GXYLT2: variants seen among roughly 807,000 people sequenced by gnomAD.
The protein encoded by GXYLT2 is glycosyltransferase 8 domain containing 4.
A neutral mutation model predicts 45.8 loss-of-function variants in GXYLT2; 53 were observed. That is an observed-to-expected ratio of 1.16 (90% CI 0.93 to 1.46). The LOEUF is 1.46. Among genes scored for constraint, GXYLT2 ranks in the 40% most tolerant of loss-of-function variants. GXYLT2 has a pLI of 0.00. For synonymous variants in GXYLT2, 219 were observed against 214.2 expected (o/e 1.02, Z -0.19); for missense variants, 551 against 544.4 (o/e 1.01, Z -0.12).
chr3:72,942,290 A>C (rs950375518), intron 3 of GXYLT2, among the ~76,000 whole-genome samples: 4 of 152,036 alleles, frequency 2.6e-5, no homozygotes, highest in African/African-American at 9.7e-5. Flanking sequence ...ATAACTGAAT[A>C]AATAAATAAA....
At chr3:72,920,339 T>TGCCAAC (rs1709809688) in intron 2 of GXYLT2, among the ~76,000 whole-genome samples, 1 of 152,136 alleles carries the variant, frequency 6.6e-6, no homozygotes, top group Non-Finnish European at 1.5e-5. Flanking sequence ...TTCACCATGT[T>TGCCAAC]GGCCAGGCTG....
At chr3:72,906,736 A>G (rs1453962030) in intron 1 of GXYLT2, among the ~76,000 whole-genome samples, 1 of 152,196 alleles carries the variant, frequency 6.6e-6, no homozygotes, top group Non-Finnish European at 1.5e-5. Context: ...GAGACAGGCA[A>G]TGTATGTGCC....
chr3:72,936,796 A>G (rs1710191028), intron 3 of GXYLT2, among the ~76,000 whole-genome samples: 1 of 152,256 alleles, frequency 6.6e-6, no homozygotes. Flanking sequence ...CATGGCCATC[A>G]TAATACTGTG....
chr3:72,901,932 T>C (rs1422072078), intron 1 of GXYLT2, among the ~76,000 whole-genome samples: 2 of 152,196 alleles, frequency 1.3e-5, no homozygotes, highest in African/African-American at 2.4e-5. Flanking sequence ...TCATAAAATA[T>C]GTGGCTTTTT....
chr3:72,906,874 A>G (rs758555739), intron 1 of GXYLT2, among the ~76,000 whole-genome samples: 10 of 152,222 alleles, frequency 6.6e-5, no homozygotes, highest in Non-Finnish European at 1.2e-4. Flanking sequence ...AGTAGGAGCC[A>G]TAGTCAGCAG....
chr3:72,915,205 C>A (rs114807074), intron 2 of GXYLT2, among the ~76,000 whole-genome samples: 1,705 of 151,494 alleles, frequency 0.011, 28 homozygotes, highest in African/African-American at 0.038. Context: ...GAGAGTAACA[C>A]AAAGTAACTA....
intron 3 of GXYLT2, among the ~76,000 whole-genome samples, chr3:72,947,196 C>T (rs990705789): frequency 8.6e-5 from 13 of 151,998 alleles, no homozygotes; most frequent in African/African-American, 3.1e-4. Flanking sequence ...ATATTTGTTT[C>T]TATCTAAGCA....
At chr3:72,970,417 C>T (rs1710965365) in intron 6 of GXYLT2, among the ~76,000 whole-genome samples, 1 of 151,372 alleles carries the variant, frequency 6.6e-6, no homozygotes, top group Admixed American at 6.6e-5. Context: ...AATCCCAGCA[C>T]TTTGGAGGCT....
intron 2 of GXYLT2, among the ~76,000 whole-genome samples, chr3:72,909,658 A>G (rs1345458092): frequency 6.6e-6 from 1 of 152,178 alleles, no homozygotes; most frequent in Non-Finnish European, 1.5e-5. Flanking sequence ...CATACTGAAG[A>G]ACAGGTAATG....
chr3:72,918,686 G>T (rs1237587057), intron 2 of GXYLT2, among the ~76,000 whole-genome samples: 1 of 152,042 alleles, frequency 6.6e-6, no homozygotes, highest in African/African-American at 2.4e-5. Flanking sequence ...AATTAGCTGG[G>T]CATAGTAGTG....
chr3:72,947,858 TA>T, intron 3 of GXYLT2, among the ~76,000 whole-genome samples: 1 of 151,910 alleles, frequency 6.6e-6, no homozygotes, highest in Non-Finnish European at 1.5e-5. Context: ...AGGATAAAAG[TA>T]GGATGATTTA....
intron 1 of GXYLT2, among the ~76,000 whole-genome samples, chr3:72,901,554 CTTTTTT>C (rs71124002): frequency 2.6e-5 from 2 of 77,170 alleles, no homozygotes; most frequent in Admixed American, 2.1e-4. Flanking sequence ...AACATTTTCG[CTTTTTT>C]TTTTTTTTTT....
chr3:72,910,994 A>T (rs1425430919), intron 2 of GXYLT2, among the ~76,000 whole-genome samples: 2 of 152,294 alleles, frequency 1.3e-5, no homozygotes, highest in East Asian at 3.9e-4. Context: ...CTTGGACTTT[A>T]AAAGGGGAAG....
intron 3 of GXYLT2, among the ~76,000 whole-genome samples, chr3:72,924,192 C>CTT (rs10635700): frequency 0.13 from 18,273 of 136,628 alleles, 1,463 homozygotes; most frequent in African/African-American, 0.23. Flanking sequence ...TGGTCTTTGT[C>CTT]TTTTTTTTTT....
chr3:72,897,619 A>G (rs1439010050), intron 1 of GXYLT2, among the ~76,000 whole-genome samples: 2 of 152,226 alleles, frequency 1.3e-5, no homozygotes, highest in African/African-American at 4.8e-5. Flanking sequence ...TGCTTTTACC[A>G]AAAAGTCCTA....
At chr3:72,892,663 T>A (rs1709203983) in intron 1 of GXYLT2, among the ~76,000 whole-genome samples, 1 of 152,188 alleles carries the variant, frequency 6.6e-6, no homozygotes, top group African/African-American at 2.4e-5. Context: ...GTGTCTGAGA[T>A]AAGTCTTCTC....
intron 1 of GXYLT2, among the ~76,000 whole-genome samples, chr3:72,902,394 A>G (rs916427367): frequency 4.6e-5 from 7 of 152,238 alleles, no homozygotes; most frequent in African/African-American, 1.4e-4. Flanking sequence ...GTCAGTGATA[A>G]CATAAATAGA....
chr3:72,936,291 CAAAAAAAAGAAAAAAA>C (rs201436654), intron 3 of GXYLT2, among the ~76,000 whole-genome samples: 10,741 of 112,472 alleles, frequency 0.095, 706 homozygotes, highest in East Asian at 0.33. Context: ...GACTCCATCT[CAAAAAAAAGAAAAAAA>C]AAAAAAAAGA....
chr3:72,898,983 G>A lies in GXYLT2; in HGVS notation c.276-9384G>A, dbSNP rs184710669. On this transcript the variant is annotated intron_variant, in intron 1 of 6. Transcript: ENST00000389617. ...CGACCTCAGGTGATCCGCCTGCCTT[G>A]GCCTCCCAAAGTGCTGGGATTACAG... 3.0e-3 allele frequency among the ~76,000 whole-genome samples: 450 copies of A among 151,576 alleles called. 1 individual carries two copies. The highest frequency in any genetic ancestry group is 0.01 in the African/African-American group (421 of 41,252).
Sources: allele counts gnomAD v4.1 joint callset (sites outside exome capture counted in the v4.1 genomes callset), GRCh38; gene constraint gnomAD v4.1.1; transcripts MANE v1.5; gene names NCBI Gene and HGNC (gene_info 2026-07-23, HGNC 2026-07-21).